The following KCNH2 variants were observed in gnomAD, a reference collection of about 807,000 sequenced individuals.
KCNH2 encodes potassium voltage-gated channel subfamily H member 2.
Under a neutral mutation model 95.9 loss-of-function variants are expected in KCNH2, and 35 were observed. The observed-to-expected ratio is 0.37, with a 90% CI of 0.28 to 0.48. The LOEUF is 0.48. Ranked by LOEUF, KCNH2 falls within the 20% of genes least tolerant of loss-of-function variation. The pLI, the probability that KCNH2 is intolerant of heterozygous loss-of-function variation, is 0.99. For missense variants in KCNH2, 1,274 were observed against 1,702.9 expected (o/e 0.75, Z 4.43); for synonymous variants, 786 against 754.7 (o/e 1.04, Z -0.68).
intron 2 of KCNH2, among the ~76,000 whole-genome samples, chr7:150,970,603 C>A (rs1801816645): frequency 6.6e-6 from 1 of 152,150 alleles, no homozygotes; most frequent in Non-Finnish European, 1.5e-5. Context: ...GGCCTCTGAT[C>A]CAGCTAGAGA....
intron 5 of KCNH2, chr7:150,955,826 GGCCC>G (rs1441740049): frequency 4.5e-6 from 5 of 1,104,906 alleles, no homozygotes; most frequent in African/African-American, 3.3e-5. Flanking sequence ...TCCTCCAGCC[GGCCC>G]CTCCTTCTAC....
chr7:150,959,652 A>G lies in KCNH2; in HGVS notation c.392T>C (p.Val131Ala). The G allele has an allele frequency of 3.1e-6, 5 of 1,613,898 alleles. No individual in the cohort carries two copies. The highest frequency in any genetic ancestry group is 4.2e-6 in the Non-Finnish European group (5 of 1,179,968). ...CCCCACCATGTCCTTCTCCATCACC[A>G]CCTCGAAATTGAGGATGAACATGAT... ...AVIMFILNFE[V>A]VMEKDMVGSP... The change falls in exon 3 of 15, where the codon GTG becomes GCG. Residue 131 changes from valine to alanine, a missense_variant. This residue lies in a region of KCNH2 where 85 missense variants were observed against 174.7 expected (regional missense o/e 0.49). Coordinates refer to ENST00000262186, the MANE Select transcript of KCNH2 (RefSeq NM_000238.4).
At chr7:150,960,646 TA>T (rs1373210105) in intron 2 of KCNH2, among the ~76,000 whole-genome samples, 1 of 152,184 alleles carries the variant, frequency 6.6e-6, no homozygotes, top group Non-Finnish European at 1.5e-5. Context: ...ATATTAGCAT[TA>T]AAAAACACTG....
At chr7:150,957,589 C>T (rs140627261) in intron 4 of KCNH2, 87 bp from the exon 5 acceptor site, 17 of 966,764 alleles carry the variant, frequency 1.8e-5, no homozygotes, top group Admixed American at 5.8e-5. Context: ...GAGACCAGGC[C>T]CTGCACAGTC....
Position 150,977,938 on chromosome 7 carries a change from G to GGGCCCCCACCCACCCCGGCCCGGCCC in KCNH2, c.-51_-26dup, listed in dbSNP as rs1802019785. On this transcript the variant is annotated 5_prime_UTR_variant, in exon 1 of 15. Coordinates refer to ENST00000262186, the MANE Select transcript of KCNH2 (RefSeq NM_000238.4). Reference sequence around the variant, plus strand: ...TCCTGAGCCCATGGGCGGGCCGGGCGGGCCCCCACCCACCCCGGCCCGGCC... The same window carrying GGGCCCCCACCCACCCCGGCCCGGCCC: ...TCCTGAGCCCATGGGCGGGCCGGGCGGGCCCCCACCCACCCCGGCCCGGCCCGGCCCCCACCCACCCCGGCCCGGCC... 1.3e-6 allele frequency: 2 copies of GGGCCCCCACCCACCCCGGCCCGGCCC among 1,558,910 alleles called. No homozygotes were observed. The highest frequency in any genetic ancestry group is 2.8e-5 in the African/African-American group (2 of 71,860).
chr7:150,947,827 GC>G lies in KCNH2; in HGVS notation c.2743del (p.Ala915GlnfsTer59), dbSNP rs2116933842. ...CGGCCGGCCCCGGCTACTCGGCCCT[GC>G]CCCCGCCCGGCCCGGCCCCAAGGCC... ...VSALGPGRAG[A>X]GPSSRGRPGG... On this transcript the variant is annotated frameshift_variant, in exon 12 of 15. Coordinates refer to ENST00000262186, the MANE Select transcript of KCNH2 (RefSeq NM_000238.4). LOFTEE classifies it high-confidence loss of function. 6.6e-7 allele frequency: 1 copy of G among 1,525,604 alleles called. No individual in the cohort carries two copies. The allele number at this position is 1,525,604 out of a possible 1,614,324, so 94.5% of individuals were successfully genotyped here.
Position 150,947,650 on chromosome 7 carries a change from A to G in KCNH2, c.2921T>C (p.Met974Thr). ...PGEPPGGEPL[M>T]EDCEKSSDTC... ...GTCGCTGCTCTTCTCGCAGTCCTCC[A>G]TCAGGGGCTCCCCACCCGGCGGCTC... The change falls in exon 12 of 15, where the codon ATG becomes ACG. Residue 974 changes from methionine to threonine, a missense_variant. This residue lies in a region of KCNH2 where 457 missense variants were observed against 416.1 expected (regional missense o/e 1.10). Coordinates refer to ENST00000262186, the MANE Select transcript of KCNH2 (RefSeq NM_000238.4). 2.5e-6 allele frequency: 4 copies of G among 1,611,522 alleles called. No individual in the cohort carries two copies. The South Asian group carries it at 4.4e-5, about 18-fold the overall frequency.
At position 150,946,817 on chromosome 7, in the gene KCNH2, G is replaced by A. The variant is rs1563143967; in HGVS notation, c.3330+60C>T. ...AGCAGAAAGGCAGCAAAGCAGGTTT[G>A]GGCTGGAATCGGGGAACAAGCGGGT... On this transcript the variant is annotated intron_variant, in intron 14 of 14. Coordinates refer to ENST00000262186, the MANE Select transcript of KCNH2 (RefSeq NM_000238.4). The surrounding 1 kb of genome is among the most constrained non-coding windows in gnomAD (Gnocchi z 6.5). 3.4e-6 allele frequency: 5 copies of A among 1,490,078 alleles called. No individual in the cohort carries two copies. The East Asian group carries it at 6.9e-5, about 21-fold the overall frequency. 92.3% of individuals were successfully genotyped at this position (1,490,078 alleles called of 1,614,324 possible).
In KCNH2 at chr7:150,946,942, TG is replaced by T; in HGVS notation, c.3264del (p.Thr1089LeufsTer166). On this transcript the variant is annotated frameshift_variant, in exon 14 of 15. Coordinates refer to ENST00000262186, the MANE Select transcript of KCNH2 (RefSeq NM_000238.4). LOFTEE classifies it high-confidence loss of function. The surrounding 1 kb of genome is among the most constrained non-coding windows in gnomAD (Gnocchi z 6.5). ...ACGGGCAACAGCGGGGATGTGGAAG[TG>T]GGGCCAGGCCCCGGGGTGGTCACAG... The part of the protein sequence containing the change: ...YSAVTTPGPG[P>X]TSTSPLLPVS... 1 of 1,599,158 alleles carries T rather than the reference TG, an allele frequency of 6.3e-7. No individual in the cohort carries two copies. Among genetic ancestry groups the T allele is most frequent in the Non-Finnish European group, 8.5e-7 (1 of 1,170,960 alleles).
At chr7:150,951,252 A>C in intron 7 of KCNH2, 132 bp from the exon 8 acceptor site, 2 of 996,250 alleles carry the variant, frequency 2.0e-6, no homozygotes, top group South Asian at 2.9e-5. Flanking sequence ...GCCCTTGTAC[A>C]TCTGCGCTCC....
In KCNH2 at chr7:150,977,819, A is replaced by G; in HGVS notation, c.76+19T>C. ...CGCCCCCAGAGCCCCCTCCCCGCTC[A>G]GCCCCCTCCCCCACTCACTCTGGCC... On this transcript the variant is annotated intron_variant, in intron 1 of 14. Transcript: ENST00000262186. The G allele has an allele frequency of 4.8e-6, 2 of 416,928 alleles. No individual in the cohort carries two copies. Among genetic ancestry groups the G allele is most frequent in the Non-Finnish European group, 3.7e-6 (1 of 273,194 alleles). The allele number at this position is 416,928 out of a possible 1,614,324, so 25.8% of individuals were successfully genotyped here.
chr7:150,947,297 G>C, intron 13 of KCNH2, 31 bp downstream of exon 13: 1 of 1,516,894 alleles, frequency 6.6e-7, no homozygotes, highest in Non-Finnish European at 8.9e-7. Context: ...ACTCCAGGGC[G>C]TGCCCCCCCA....
At chr7:150,965,725 C>A (rs1351471076) in intron 2 of KCNH2, among the ~76,000 whole-genome samples, 1 of 152,254 alleles carries the variant, frequency 6.6e-6, no homozygotes, top group South Asian at 2.1e-4. Flanking sequence ...GGCCACTGTA[C>A]ACTGGCCGGG....
intron 1 of KCNH2, among the ~76,000 whole-genome samples, 200 bp from the exon 2 acceptor site, chr7:150,975,141 G>A (rs1399171445): frequency 1.3e-5 from 2 of 151,864 alleles, no homozygotes; most frequent in African/African-American, 2.4e-5. Flanking sequence ...CGGGCCGCGC[G>A]GCGCGCCCCC....
intron 4 of KCNH2, 54 bp from the exon 5 acceptor site, chr7:150,957,556 A>G: frequency 7.3e-7 from 1 of 1,377,252 alleles, no homozygotes; most frequent in Non-Finnish European, 1.0e-6. Flanking sequence ...CAGGCCAGGC[A>G]GGCCACCCAT....
chr7:150,946,774 G>A lies in KCNH2; in HGVS notation c.3330+103C>T. ...GGAGGGCAGGAACAAGGTTCAGGGA[G>A]GCTGGGCCACAGAGCCCAGCAGAAA... On this transcript the variant is annotated intron_variant, in intron 14 of 14. Transcript: ENST00000262186. The surrounding 1 kb of genome is among the most constrained non-coding windows in gnomAD (Gnocchi z 6.5). 9.0e-7 allele frequency: 1 copy of A among 1,107,256 alleles called. No homozygotes were observed. Among genetic ancestry groups the A allele is most frequent in the Non-Finnish European group, 1.3e-6 (1 of 763,294 alleles). The allele number at this position is 1,107,256 out of a possible 1,614,324, so 68.6% of individuals were successfully genotyped here.
At chr7:150,976,788 C>T (rs1447152247) in intron 1 of KCNH2, among the ~76,000 whole-genome samples, 2 of 146,940 alleles carry the variant, frequency 1.4e-5, no homozygotes, top group Non-Finnish European at 3.0e-5. Flanking sequence ...TCCCCCTGGG[C>T]CCACCCCCAC....
intron 5 of KCNH2, chr7:150,955,261 G>A: frequency 4.4e-6 from 4 of 914,114 alleles, no homozygotes; most frequent in Non-Finnish European, 7.0e-6. Context: ...GGTGAGCAGG[G>A]CCAGGCCCCA....
rs28928904 is a variant in KCNH2 at position 150,951,615 on chromosome 7, A to T, written c.1778T>A (p.Ile593Lys). Residue 593 changes from isoleucine to lysine, a missense_variant, in exon 7 of 15, where the codon ATA becomes AAA. By Grantham distance (102) the Ile-to-Lys change is moderately radical (BLOSUM62 -3). This residue lies in a region of KCNH2 where 147 missense variants were observed against 344.4 expected (regional missense o/e 0.43). Coordinates refer to ENST00000262186, the MANE Select transcript of KCNH2 (RefSeq NM_000238.4). ...IGWLHNLGDQ[I>K]GKPYNSSGLG... ...GCCGCTGCTGTTGTAGGGTTTGCCT[A>T]TCTGGTCGCCCAGGTTGTGCAGCCA... 6.2e-7 allele frequency: 1 copy of T among 1,614,232 alleles called. No homozygotes were observed. Among genetic ancestry groups the T allele is most frequent in the Non-Finnish European group, 8.5e-7 (1 of 1,180,044 alleles).
Sources: gnomAD v4.1 joint callset for allele counts (sites outside exome capture counted in the v4.1 genomes callset) on GRCh38, gnomAD v4.1.1 for gene constraint, gnomAD v4.1.1 regional missense constraint, Gnocchi (gnomAD v3.1) non-coding constraint, MANE v1.5 for transcripts, NCBI Gene and HGNC (gene_info 2026-07-23, HGNC 2026-07-21) for gene names.